The following HS3ST5 variants were observed in gnomAD, a reference collection of about 807,000 sequenced individuals.
The protein encoded by HS3ST5 is heparan sulfate glucosamine 3-O-sulfotransferase 5.
A neutral mutation model predicts 25.4 loss-of-function variants in HS3ST5; 10 were observed. The observed-to-expected ratio is 0.39, with a 90% CI of 0.24 to 0.67. The LOEUF (loss-of-function observed/expected upper bound fraction) is 0.67. Among genes scored for constraint, HS3ST5 ranks in the 30% least tolerant of loss-of-function variants. The pLI is 0.44. For missense variants in HS3ST5, 324 were observed against 420.7 expected (o/e 0.77, Z 2.01); for synonymous variants, 170 against 162.4 (o/e 1.05, Z -0.36).
intron 2 of HS3ST5, among the ~76,000 whole-genome samples, chr6:114,197,339 G>T (rs1231355770): frequency 6.6e-6 from 1 of 151,810 alleles, no homozygotes; most frequent in Admixed American, 6.6e-5. Flanking sequence ...TATCTCTTAG[G>T]TTTTGATGAC....
intron 1 of HS3ST5, among the ~76,000 whole-genome samples, chr6:114,286,311 G>T (rs1017740541): frequency 2.6e-5 from 4 of 151,794 alleles, no homozygotes; most frequent in South Asian, 2.1e-4. Context: ...AGCGGCTGAG[G>T]GGAGGAAAAA....
chr6:114,146,448 C>T (rs1778166271), intron 3 of HS3ST5, among the ~76,000 whole-genome samples: 1 of 152,200 alleles, frequency 6.6e-6, no homozygotes, highest in Admixed American at 6.5e-5. Context: ...CTCTCTGTCT[C>T]ACCTCACATG....
chr6:114,077,530 C>A (rs1358158244), intron 3 of HS3ST5, among the ~76,000 whole-genome samples: 1 of 152,120 alleles, frequency 6.6e-6, no homozygotes, highest in Non-Finnish European at 1.5e-5. Flanking sequence ...GGAGAGGTAA[C>A]AATTATAGTT....
chr6:114,159,236 C>T lies in HS3ST5; in HGVS notation c.-33+9115G>A, dbSNP rs141254388. Among the ~76,000 whole-genome samples, 1,160 of 152,260 alleles carry T rather than the reference C, an allele frequency of 7.6e-3. 19 individuals are homozygous for T. Among genetic ancestry groups the T allele is most frequent in the African/African-American group, 0.027 (1,107 of 41,546 alleles). ...ATTCTGTGGCCCAGCCATTCCACTC[C>T]TTGGAATAGACCCAACAGAGGTGCT... On this transcript the variant is annotated intron_variant, in intron 3 of 4. Transcript: ENST00000312719.
intron 1 of HS3ST5, among the ~76,000 whole-genome samples, chr6:114,286,000 G>A (rs560686155): frequency 1.3e-5 from 2 of 151,556 alleles, no homozygotes; most frequent in South Asian, 2.1e-4. Flanking sequence ...AAATATACAC[G>A]TATGGAAAGA....
intron 3 of HS3ST5, among the ~76,000 whole-genome samples, chr6:114,158,030 T>C (rs1018546540): frequency 1.3e-5 from 2 of 152,224 alleles, no homozygotes; most frequent in Non-Finnish European, 2.9e-5. Context: ...CTGTCACTTC[T>C]TTCAGGAAAC....
At chr6:114,132,602 T>G (rs1459814025) in intron 3 of HS3ST5, among the ~76,000 whole-genome samples, 1 of 152,200 alleles carries the variant, frequency 6.6e-6, no homozygotes, top group East Asian at 1.9e-4. Context: ...CGTTATGGCC[T>G]GAAGTGATGG....
At chr6:114,323,831 A>C (rs1465928292) in intron 1 of HS3ST5, among the ~76,000 whole-genome samples, 2 of 152,174 alleles carry the variant, frequency 1.3e-5, no homozygotes, top group Non-Finnish European at 2.9e-5. Flanking sequence ...AATTTGAGAC[A>C]GGGTGTTTCG....
intron 3 of HS3ST5, among the ~76,000 whole-genome samples, chr6:114,065,530 A>G (rs1012661579): frequency 2.0e-5 from 3 of 152,236 alleles, no homozygotes; most frequent in African/African-American, 7.2e-5. Context: ...CTTATCTACA[A>G]TATGAGGACC....
chr6:114,298,970 A>G (rs1460093881), intron 1 of HS3ST5, among the ~76,000 whole-genome samples: 1 of 152,214 alleles, frequency 6.6e-6, no homozygotes, highest in East Asian at 1.9e-4. Context: ...GCACCTTAAA[A>G]AAAGAACAGG....
At chr6:114,075,992 G>A (rs1774103496) in intron 3 of HS3ST5, among the ~76,000 whole-genome samples, 1 of 152,148 alleles carries the variant, frequency 6.6e-6, no homozygotes, top group East Asian at 1.9e-4. Flanking sequence ...ACAAGGTAGT[G>A]CTGTGAGATA....
At chr6:114,273,356 A>C (rs959327201) in intron 1 of HS3ST5, among the ~76,000 whole-genome samples, 17 of 152,176 alleles carry the variant, frequency 1.1e-4, no homozygotes, top group Non-Finnish European at 8.8e-5. Flanking sequence ...TTTGTTTTGG[A>C]TCTTTAAATT....
chr6:114,322,465 A>G (rs1776007166), intron 1 of HS3ST5, among the ~76,000 whole-genome samples: 1 of 152,174 alleles, frequency 6.6e-6, no homozygotes, highest in East Asian at 1.9e-4. Flanking sequence ...ATATTAAAAA[A>G]AATCAGCTGC....
intron 3 of HS3ST5, among the ~76,000 whole-genome samples, chr6:114,113,734 A>G (rs1449314448): frequency 6.6e-6 from 1 of 152,026 alleles, no homozygotes; most frequent in Non-Finnish European, 1.5e-5. Context: ...ATAGTGTTTC[A>G]ATAATTTTTT....
chr6:114,270,261 AT>A (rs1773581972), intron 1 of HS3ST5, among the ~76,000 whole-genome samples: 1 of 152,186 alleles, frequency 6.6e-6, no homozygotes. Flanking sequence ...AAAATAAGTA[AT>A]TTAATTAGTC....
chr6:114,135,818 C>T, intron 3 of HS3ST5, among the ~76,000 whole-genome samples: 1 of 152,206 alleles, frequency 6.6e-6, no homozygotes, highest in East Asian at 1.9e-4. Context: ...TCACTCACCT[C>T]CTTCAGGTCT....
At position 114,057,907 on chromosome 6, in the gene HS3ST5, TCTC is replaced by T. The variant is rs776312163; in HGVS notation, c.388_390del (p.Glu130del). ...TACCACTCAATGCCCTTACCATAAT[TCTC>T]ATCATTATCAAAAAAGTGGATTTCT... is the stretch of plus-strand genomic sequence containing the variant. On this transcript the variant is annotated inframe_deletion, in exon 5 of 5. Coordinates refer to ENST00000312719, the MANE Select transcript of HS3ST5 (RefSeq NM_153612.4). 3 of 1,614,180 alleles carry T rather than the reference TCTC, an allele frequency of 1.9e-6. No homozygotes were observed. Among genetic ancestry groups the T allele is most frequent in the Non-Finnish European group, 2.5e-6 (3 of 1,180,030 alleles).
intron 3 of HS3ST5, chr6:114,131,963 C>G (rs1210844103): frequency 6.6e-6 from 1 of 152,070 alleles, no homozygotes; most frequent in African/African-American, 2.4e-5. Context: ...GTTTTTCCTT[C>G]AATTTAATTT....
chr6:114,221,726 A>C (rs1157562106), intron 2 of HS3ST5, among the ~76,000 whole-genome samples: 2 of 151,786 alleles, frequency 1.3e-5, no homozygotes, highest in Non-Finnish European at 3.0e-5. Context: ...CCATAATGAC[A>C]TACCTTTAAA....
Sources: allele counts gnomAD v4.1 joint callset (sites outside exome capture counted in the v4.1 genomes callset), GRCh38; gene constraint gnomAD v4.1.1; transcripts MANE v1.5; gene names NCBI Gene and HGNC (gene_info 2026-07-23, HGNC 2026-07-21).